The following DDR2 variants were observed in gnomAD, a reference collection of about 807,000 sequenced individuals.
The protein encoded by DDR2 is discoidin domain receptor tyrosine kinase 2, also known as discoidin domain-containing receptor 2.
DDR2 carries 27 observed loss-of-function variants against 94.9 expected under a neutral mutation model. The observed-to-expected ratio is 0.28, with a 90% confidence interval of 0.21 to 0.39. The LOEUF (loss-of-function observed/expected upper bound fraction) is 0.39, where lower values mean the gene tolerates loss of function less well. Ranked by LOEUF, DDR2 falls within the 10% of genes least tolerant of loss-of-function variation. The pLI is 1.00. For missense variants in DDR2, 783 were observed against 1,076.0 expected, an observed-to-expected ratio of 0.73 and a Z score of 3.81; for synonymous variants, 382 against 377.2, an observed-to-expected ratio of 1.01 and a Z score of -0.15.
intron 16 of DDR2, among the ~76,000 whole-genome samples, chr1:162,777,103 T>C (rs1280373165): frequency 6.6e-6 from 1 of 152,198 alleles, no homozygotes; most frequent in Non-Finnish European, 1.5e-5. Context: ...TTCCTGCTAA[T>C]ATTCTTATAG....
intron 3 of DDR2, among the ~76,000 whole-genome samples, chr1:162,737,041 C>T (rs1387025334): frequency 2.0e-5 from 3 of 151,972 alleles, no homozygotes; most frequent in African/African-American, 7.3e-5. Context: ...ACATAGTATT[C>T]CATGCTGTAT....
chr1:162,776,865 A>C (rs1470334559), intron 16 of DDR2, among the ~76,000 whole-genome samples: 1 of 152,140 alleles, frequency 6.6e-6, no homozygotes, highest in Non-Finnish European at 1.5e-5. Context: ...ATAAGTGAGT[A>C]ATTTTTCCCA....
chr1:162,719,294 A>C, intron 3 of DDR2, 149 bp downstream of exon 3: 1 of 1,412,834 alleles, frequency 7.1e-7, no homozygotes, highest in Non-Finnish European at 9.5e-7. Context: ...TAAAATAGGA[A>C]GAAAAATGAA....
chr1:162,691,392 A>C (rs2101976828), intron 2 of DDR2, among the ~76,000 whole-genome samples: 1 of 152,338 alleles, frequency 6.6e-6, no homozygotes, highest in East Asian at 1.9e-4. Flanking sequence ...CTCACTGTGC[A>C]TGACAAAGGA....
rs1647544674 is a variant in DDR2 at position 162,776,255 on chromosome 1, C to A, written c.2168C>A (p.Thr723Lys). The change falls in exon 16 of 18, where the codon ACA becomes AAA. Residue 723 changes from threonine to lysine, a missense_variant. Around this residue, in one of 2 missense-constraint regions of DDR2, gnomAD observed 264 missense variants for 428.2 expected, o/e 0.62. Coordinates refer to ENST00000367921, the MANE Select transcript of DDR2 (RefSeq NM_006182.4). ...AACTGTTTAGTGGGTAAGAACTACACAATCAAGATAGCTGACTTTGGAATG... is the reference window on the plus strand; with the variant it reads ...AACTGTTTAGTGGGTAAGAACTACAAAATCAAGATAGCTGACTTTGGAATG... ...TRNCLVGKNY[T>K]IKIADFGMSR... The A allele has an allele frequency of 5.0e-6, 8 of 1,613,920 alleles. No homozygotes were observed. Among genetic ancestry groups the A allele is most frequent in the Non-Finnish European group, 6.8e-6 (8 of 1,179,946 alleles).
intron 2 of DDR2, among the ~76,000 whole-genome samples, chr1:162,693,847 A>T (rs1299563053): frequency 6.6e-6 from 1 of 152,174 alleles, no homozygotes; most frequent in Admixed American, 6.5e-5. Flanking sequence ...TTGGCCTCCG[A>T]AGCAGGAAAC....
In DDR2 at chr1:162,638,397, G is replaced by A. The variant is rs569780599; in HGVS notation, c.-192+5766G>A. Among the ~76,000 whole-genome samples, 12 of 152,190 alleles carry A rather than the reference G, an allele frequency of 7.9e-5. No individual in the cohort carries two copies. In the South Asian group the frequency reaches 2.5e-3, roughly 32 times the overall value. ...TATTATCATCATAATTATGGCTATCGTTCTATGTCTAAATCCAAGCATTAA... is the reference window on the plus strand; with the variant it reads ...TATTATCATCATAATTATGGCTATCATTCTATGTCTAAATCCAAGCATTAA... On this transcript the variant is annotated intron_variant, in intron 1 of 17. Coordinates refer to ENST00000367921, the MANE Select transcript of DDR2 (RefSeq NM_006182.4).
chr1:162,736,524 G>A (rs1232682609), intron 3 of DDR2, among the ~76,000 whole-genome samples: 3 of 152,188 alleles, frequency 2.0e-5, no homozygotes, highest in African/African-American at 7.2e-5. Flanking sequence ...TGTGATTAGT[G>A]GGAAACATGA....
intron 4 of DDR2, among the ~76,000 whole-genome samples, chr1:162,753,553 T>G (rs1398156847): frequency 6.6e-6 from 1 of 152,152 alleles, no homozygotes; most frequent in African/African-American, 2.4e-5. Flanking sequence ...GCAGATTATG[T>G]AGGACACTGG....
intron 3 of DDR2, among the ~76,000 whole-genome samples, chr1:162,722,333 G>C (rs541665815): frequency 6.6e-6 from 1 of 152,166 alleles, no homozygotes; most frequent in African/African-American, 2.4e-5. Flanking sequence ...CGTAGGCTAC[G>C]CAAGTCTTTG....
intron 3 of DDR2, among the ~76,000 whole-genome samples, chr1:162,729,300 A>ATGTTGTTTTTTTTTTTT (rs1416872679): frequency 1.1e-4 from 10 of 94,016 alleles, no homozygotes; most frequent in African/African-American, 5.3e-4. Context: ...ATATATATAT[A>ATGTTGTTTTTTTTTTTT]TTTTTTTTTT....
intron 1 of DDR2, among the ~76,000 whole-genome samples, chr1:162,651,401 A>G (rs1657683102): frequency 6.6e-6 from 1 of 152,126 alleles, no homozygotes; most frequent in African/African-American, 2.4e-5. Context: ...CATTCTTTCT[A>G]TCTGACAAAA....
intron 1 of DDR2, among the ~76,000 whole-genome samples, chr1:162,635,582 G>A (rs1343541360): frequency 6.6e-6 from 1 of 152,160 alleles, no homozygotes; most frequent in African/African-American, 2.4e-5. Context: ...CTCTTGCCCT[G>A]TTTGAAGCTG....
Position 162,741,214 on chromosome 1 carries a change from T to TAC in DDR2, c.83-11880_83-11879insCA, listed in dbSNP as rs1558057361. On this transcript the variant is annotated intron_variant, in intron 3 of 17. Transcript: ENST00000367921. ...TAACATAATACAATACAATACAATA[T>TAC]AATATAATATAATATAATATAATAT... Among the ~76,000 whole-genome samples, 152 of 88,392 alleles carry TAC rather than the reference T, an allele frequency of 1.7e-3. 1 individual carries two copies. The highest frequency in any genetic ancestry group is 6.1e-3 in the African/African-American group (137 of 22,596). The allele number at this position is 88,392 out of a possible 152,430, so 58.0% of individuals were successfully genotyped here.
intron 2 of DDR2, among the ~76,000 whole-genome samples, chr1:162,671,101 A>G (rs1446615665): frequency 6.6e-6 from 1 of 152,172 alleles, no homozygotes; most frequent in Non-Finnish European, 1.5e-5. Flanking sequence ...CATGGTCTGT[A>G]ACATGTGAAC....
intron 1 of DDR2, among the ~76,000 whole-genome samples, chr1:162,645,683 A>G (rs960943675): frequency 2.6e-5 from 4 of 152,198 alleles, no homozygotes; most frequent in African/African-American, 4.8e-5. Flanking sequence ...ACAAATTGTT[A>G]TTAATAGCTT....
At chr1:162,659,062 A>T (rs10799857) in intron 2 of DDR2, among the ~76,000 whole-genome samples, 4 of 151,986 alleles carry the variant, frequency 2.6e-5, no homozygotes, top group Non-Finnish European at 5.9e-5. Context: ...ATTTTTATTT[A>T]CCAAAAAGGT....
chr1:162,660,230 T>C (rs188351311), intron 2 of DDR2, among the ~76,000 whole-genome samples: 1 of 152,330 alleles, frequency 6.6e-6, no homozygotes, highest in East Asian at 1.9e-4. Flanking sequence ...CAAAAATCCA[T>C]GATCCCCTCT....
At chr1:162,753,390 A>G (rs974998145) in intron 4 of DDR2, among the ~76,000 whole-genome samples, 193 bp downstream of exon 4, 1 of 152,172 alleles carries the variant, frequency 6.6e-6, no homozygotes, top group East Asian at 1.9e-4. Flanking sequence ...AGCCACATGT[A>G]CTGGTCTGGC....
Sources: gnomAD v4.1 joint callset for allele counts (sites outside exome capture counted in the v4.1 genomes callset) on GRCh38, gnomAD v4.1.1 for gene constraint, gnomAD v4.1.1 regional missense constraint, MANE v1.5 for transcripts, NCBI Gene and HGNC (gene_info 2026-07-23, HGNC 2026-07-21) for gene names.